Variants in FAM171A1 observed in about 807,000 individuals in gnomAD.
The protein encoded by FAM171A1 is family with sequence similarity 171 member A1, also known as protein FAM171A1.
Under a neutral mutation model 74.9 loss-of-function variants are expected in FAM171A1, and 23 were observed. The observed-to-expected ratio is 0.31, with a 90% CI of 0.22 to 0.44. The LOEUF is 0.44. FAM171A1 is among the 20% of genes least tolerant of loss of function. The pLI is 1.00. For missense variants in FAM171A1, 1,162 were observed against 1,159.2 expected, an observed-to-expected ratio of 1.00 and a Z score of -0.03; for synonymous variants, 527 against 505.7, an observed-to-expected ratio of 1.04 and a Z score of -0.57.
At chr10:15,334,858 T>C (rs17293523) in intron 1 of FAM171A1, among the ~76,000 whole-genome samples, 21,576 of 152,174 alleles carry the variant, frequency 0.14, 1,917 homozygotes, top group Non-Finnish European at 0.2. Flanking sequence ...TTCTTGAAGG[T>C]TGTATGAGTT....
At chr10:15,363,965 G>C (rs2131891926) in intron 1 of FAM171A1, among the ~76,000 whole-genome samples, 1 of 151,200 alleles carries the variant, frequency 6.6e-6, no homozygotes, top group East Asian at 2.0e-4. Context: ...GGGTGCATTT[G>C]CCTGAGAGAG....
At chr10:15,264,075 C>A (rs915843711) in intron 3 of FAM171A1, among the ~76,000 whole-genome samples, 1 of 152,020 alleles carries the variant, frequency 6.6e-6, no homozygotes, top group Non-Finnish European at 1.5e-5. Flanking sequence ...AACTCCTGGG[C>A]TCAAGAGATT....
At chr10:15,238,088 TG>T (rs1834317181) in intron 5 of FAM171A1, among the ~76,000 whole-genome samples, 1 of 152,194 alleles carries the variant, frequency 6.6e-6, no homozygotes, top group Non-Finnish European at 1.5e-5. Context: ...CGCACAGACT[TG>T]GTAAAGAAAT....
At chr10:15,357,728 T>C (rs1835950226) in intron 1 of FAM171A1, among the ~76,000 whole-genome samples, 3 of 152,148 alleles carry the variant, frequency 2.0e-5, no homozygotes, top group Admixed American at 2.0e-4. Flanking sequence ...GCACAGAATA[T>C]GATTAATGGA....
intron 1 of FAM171A1, among the ~76,000 whole-genome samples, chr10:15,324,300 C>T (rs899798450): frequency 5.3e-5 from 8 of 152,142 alleles, no homozygotes; most frequent in African/African-American, 1.7e-4. Flanking sequence ...GAAGTCCACG[C>T]TCAGCAGGGT....
chr10:15,328,335 G>A (rs570992391), intron 1 of FAM171A1, among the ~76,000 whole-genome samples: 1 of 152,186 alleles, frequency 6.6e-6, no homozygotes, highest in Non-Finnish European at 1.5e-5. Context: ...TAGTAGAGAC[G>A]GGGTTTCACC....
intron 1 of FAM171A1, among the ~76,000 whole-genome samples, chr10:15,346,237 T>G (rs1369675583): frequency 6.6e-6 from 1 of 152,168 alleles, no homozygotes; most frequent in East Asian, 1.9e-4. Flanking sequence ...TTGGGACTAC[T>G]GGTGCGCATC....
chr10:15,255,688 C>T lies in FAM171A1; in HGVS notation c.419-809G>A, dbSNP rs568692775. ...TTTTGAGATGGAGTTTTGCTCTTGT[C>T]GCCCAGGCTGGAGTGCAGCGGTGTG... is the stretch of plus-strand genomic sequence containing the variant. On this transcript the variant is annotated intron_variant, in intron 3 of 7. Coordinates refer to ENST00000378116, the MANE Select transcript of FAM171A1 (RefSeq NM_001010924.2). Among the ~76,000 whole-genome samples, 118 of 148,630 alleles carry T rather than the reference C, an allele frequency of 7.9e-4. 1 individual carries two copies. Among genetic ancestry groups the T allele is most frequent in the Admixed American group, 3.0e-3 (44 of 14,800 alleles).
Position 15,345,380 on chromosome 10 carries a change from T to C in FAM171A1, c.97+25576A>G, listed in dbSNP as rs111310742. ...GTTCCATAAATATTTTCTGATTAAA[T>C]AGCAAAGCTAAGCACACAGACCTGG... On this transcript the variant is annotated intron_variant, in intron 1 of 7. Coordinates refer to ENST00000378116, the MANE Select transcript of FAM171A1 (RefSeq NM_001010924.2). Among the ~76,000 whole-genome samples, 1,061 of 152,242 alleles carry C rather than the reference T, an allele frequency of 7.0e-3. 13 individuals are homozygous for C. The highest frequency in any genetic ancestry group is 0.024 in the African/African-American group (1,006 of 41,530).
intron 1 of FAM171A1, among the ~76,000 whole-genome samples, chr10:15,346,580 C>G (rs1835819242): frequency 6.6e-6 from 1 of 152,188 alleles, no homozygotes; most frequent in Non-Finnish European, 1.5e-5. Flanking sequence ...TCCAGATGCC[C>G]CGTAGCAGAA....
At chr10:15,368,045 C>A (rs1836087437) in intron 1 of FAM171A1, among the ~76,000 whole-genome samples, 1 of 152,082 alleles carries the variant, frequency 6.6e-6, no homozygotes. Context: ...TACTTTTGAA[C>A]AACAATTTTG....
chr10:15,233,961 T>C (rs1386169475), intron 5 of FAM171A1, among the ~76,000 whole-genome samples: 1 of 150,804 alleles, frequency 6.6e-6, no homozygotes, highest in African/African-American at 2.4e-5. Flanking sequence ...GTGTACTAGG[T>C]GCTTTACGTA....
intron 5 of FAM171A1, among the ~76,000 whole-genome samples, chr10:15,229,475 T>C (rs995649140): frequency 1.4e-5 from 2 of 143,670 alleles, no homozygotes; most frequent in Non-Finnish European, 3.1e-5. Context: ...ATCATCACCA[T>C]TGTCACCCCA....
intron 4 of FAM171A1, among the ~76,000 whole-genome samples, chr10:15,250,294 T>TA (rs770815112): frequency 2.0e-5 from 3 of 152,248 alleles, no homozygotes; most frequent in South Asian, 4.1e-4. Context: ...CATTTTATGG[T>TA]AAAAAAACAA....
intron 4 of FAM171A1, 130 bp from the exon 5 acceptor site, chr10:15,248,945 A>T: frequency 1.3e-6 from 1 of 780,800 alleles, no homozygotes; most frequent in Admixed American, 3.1e-5. Context: ...AGCACTTTAC[A>T]TACATAATCC....
At chr10:15,263,507 C>T (rs942036442) in intron 3 of FAM171A1, among the ~76,000 whole-genome samples, 3 of 152,188 alleles carry the variant, frequency 2.0e-5, no homozygotes, top group African/African-American at 2.4e-5. Flanking sequence ...AATTTGCCAG[C>T]GTTTTGTGAC....
At chr10:15,329,620 T>C (rs1424004652) in intron 1 of FAM171A1, among the ~76,000 whole-genome samples, 1 of 63,504 alleles carries the variant, frequency 1.6e-5, no homozygotes, top group East Asian at 5.2e-4. Context: ...GGCAATACCA[T>C]CTCACTTAAA....
chr10:15,219,882 G>A (rs916770937), intron 6 of FAM171A1, among the ~76,000 whole-genome samples: 4 of 152,312 alleles, frequency 2.6e-5, no homozygotes, highest in Middle Eastern at 3.4e-3. Flanking sequence ...GCCCGGCTAA[G>A]GGAAACACAT....
chr10:15,331,831 G>A (rs1435905986), intron 1 of FAM171A1, among the ~76,000 whole-genome samples: 1 of 59,980 alleles, frequency 1.7e-5, no homozygotes, highest in Non-Finnish European at 4.2e-5. Flanking sequence ...ATATATGTGT[G>A]TATATATATG....
Sources: gnomAD v4.1 joint callset for allele counts (sites outside exome capture counted in the v4.1 genomes callset) on GRCh38, gnomAD v4.1.1 for gene constraint, MANE v1.5 for transcripts, NCBI Gene and HGNC (gene_info 2026-07-23, HGNC 2026-07-21) for gene names.